Variants in ABCC4 observed in about 807,000 individuals in gnomAD.
ABCC4 encodes ATP-binding cassette sub-family C member 4.
In ABCC4, 102 loss-of-function variants were observed where a neutral mutation model predicts 168.5. The ratio of observed to expected loss-of-function variants is 0.61; its 90% CI spans 0.52 to 0.71. The LOEUF is 0.71. ABCC4 is among the 30% of genes least tolerant of loss of function. The probability of loss-of-function intolerance (pLI) is 0.00; values close to 1 mark genes in which losing one functional copy is unlikely to be tolerated. For synonymous variants in ABCC4, 617 were observed against 590.7 expected (o/e 1.04, Z -0.65); for missense variants, 1,402 against 1,605.8 (o/e 0.87, Z 2.17).
intron 1 of ABCC4, among the ~76,000 whole-genome samples, chr13:95,287,565 T>G (rs4773871): frequency 6.6e-6 from 1 of 151,148 alleles, no homozygotes; most frequent in East Asian, 2.0e-4. Flanking sequence ...CCAGCCTGGG[T>G]GGAAGGGCAT....
Position 95,025,314 on chromosome 13 carries a change from A to G in ABCC4, c.3871-3632T>C, listed in dbSNP as rs1355989327. Among the ~76,000 whole-genome samples, 18 of 13,592 alleles carry G rather than the reference A, an allele frequency of 1.3e-3. No homozygotes were observed. In the East Asian group the frequency reaches 0.033, roughly 25 times the overall value. 8.9% of individuals were successfully genotyped at this position (13,592 alleles called of 152,430 possible). On this transcript the variant is annotated intron_variant, in intron 30 of 30. Coordinates refer to ENST00000645237, the MANE Select transcript of ABCC4 (RefSeq NM_005845.5). Reference sequence around the variant, plus strand: ...ACACACCCACATACGCCCACCCCCCACACACACCCACACCCACACACCCAT... The same window carrying G: ...ACACACCCACATACGCCCACCCCCCGCACACACCCACACCCACACACCCAT...
chr13:95,151,490 A>AAAG (rs1321943578), intron 19 of ABCC4, among the ~76,000 whole-genome samples: 4,016 of 148,778 alleles, frequency 0.027, 112 homozygotes, highest in Non-Finnish European at 0.039. Flanking sequence ...AAAAAAAAAA[A>AAAG]AAGAAGAAGA....
chr13:95,238,172 G>A, intron 3 of ABCC4, among the ~76,000 whole-genome samples: 1 of 117,872 alleles, frequency 8.5e-6, no homozygotes, highest in East Asian at 2.9e-4. Flanking sequence ...CCAGCCTGGA[G>A]AACAGCACAA....
chr13:95,067,624 C>A (rs1416087014), intron 25 of ABCC4, among the ~76,000 whole-genome samples: 1 of 152,012 alleles, frequency 6.6e-6, no homozygotes, highest in African/African-American at 2.4e-5. Flanking sequence ...GATGCTGATC[C>A]CAGCCCCTGA....
intron 19 of ABCC4, among the ~76,000 whole-genome samples, chr13:95,132,810 C>T (rs1201073995): frequency 6.6e-6 from 1 of 152,012 alleles, no homozygotes; most frequent in Non-Finnish European, 1.5e-5. Context: ...TAAAATAAGC[C>T]TCTCAGAAAA....
chr13:95,215,463 A>G (rs1448704617), intron 4 of ABCC4, among the ~76,000 whole-genome samples: 2 of 152,246 alleles, frequency 1.3e-5, no homozygotes, highest in Non-Finnish European at 2.9e-5. Context: ...AGCTGCTTAG[A>G]GCAAAAATGG....
At chr13:95,269,019 G>C (rs2040767073) in intron 1 of ABCC4, among the ~76,000 whole-genome samples, 1 of 152,206 alleles carries the variant, frequency 6.6e-6, no homozygotes, top group Non-Finnish European at 1.5e-5. Flanking sequence ...AGGCTAGGAA[G>C]TGACAGGTCT....
chr13:95,289,490 C>A (rs1228706154), intron 1 of ABCC4, among the ~76,000 whole-genome samples: 1 of 152,194 alleles, frequency 6.6e-6, no homozygotes, highest in Non-Finnish European at 1.5e-5. Context: ...AACACAAGAG[C>A]AGAGCCACCC....
At chr13:95,267,537 T>G (rs1427715036) in intron 1 of ABCC4, among the ~76,000 whole-genome samples, 2 of 152,068 alleles carry the variant, frequency 1.3e-5, no homozygotes, top group East Asian at 3.9e-4. Context: ...TCTGCAAAGC[T>G]CTACAGGCAT....
intron 3 of ABCC4, among the ~76,000 whole-genome samples, chr13:95,235,731 G>A (rs1382833072): frequency 7.6e-4 from 11 of 14,546 alleles, no homozygotes; most frequent in Non-Finnish European, 3.1e-3. Flanking sequence ...AACCAGACTT[G>A]GGAGGATTCC....
Position 95,161,156 on chromosome 13 carries a change from C to T in ABCC4, c.2455+33G>A, listed in dbSNP as rs755719609. ...GATCCTAAATGTGTTGTTAACAAGA[C>T]ATACTTACTGAGAAACTTGGTGTCA... On this transcript the variant is annotated intron_variant, in intron 19 of 30. Transcript: ENST00000645237. The T allele has an allele frequency of 3.9e-6, 6 of 1,548,082 alleles. No individual in the cohort carries two copies. In the Admixed American group the frequency reaches 1.0e-4, roughly 27 times the overall value.
chr13:95,180,119 C>G (rs1470846402), intron 11 of ABCC4, among the ~76,000 whole-genome samples: 1 of 152,184 alleles, frequency 6.6e-6, no homozygotes. Context: ...CTAAGACACA[C>G]AGGAGTCCCC....
chr13:95,218,989 G>GAAAA (rs1275043272), intron 4 of ABCC4, among the ~76,000 whole-genome samples: 1 of 63,742 alleles, frequency 1.6e-5, no homozygotes, highest in African/African-American at 5.4e-5. Context: ...AAGAAAGAGT[G>GAAAA]AGAAAGAAAG....
intron 1 of ABCC4, among the ~76,000 whole-genome samples, chr13:95,278,919 C>G (rs1404458374): frequency 6.9e-6 from 1 of 145,602 alleles, no homozygotes; most frequent in Non-Finnish European, 1.5e-5. Context: ...TTTTTTTTTT[C>G]CTTCCTCAGA....
chr13:95,296,183 C>A (rs1385151641), intron 1 of ABCC4, among the ~76,000 whole-genome samples: 754 of 17,500 alleles, frequency 0.043, 5 homozygotes, highest in African/African-American at 0.096. Flanking sequence ...CACACACACA[C>A]AAAAACACAA....
intron 19 of ABCC4, among the ~76,000 whole-genome samples, chr13:95,123,802 C>T (rs946860514): frequency 6.6e-6 from 1 of 152,156 alleles, no homozygotes; most frequent in Non-Finnish European, 1.5e-5. Context: ...CCAAGGCAGG[C>T]GGCAATGAGG....
At chr13:95,118,309 T>A (rs911212532) in intron 19 of ABCC4, among the ~76,000 whole-genome samples, 1 of 151,830 alleles carries the variant, frequency 6.6e-6, no homozygotes, top group African/African-American at 2.4e-5. Context: ...CTGGAGGAGA[T>A]CTCAGCTCAC....
chr13:95,145,759 T>C (rs1268986286), intron 19 of ABCC4, among the ~76,000 whole-genome samples: 2 of 152,158 alleles, frequency 1.3e-5, no homozygotes, highest in African/African-American at 4.8e-5. Context: ...CATGGAATAC[T>C]ACGCAGCCAT....
intron 20 of ABCC4, among the ~76,000 whole-genome samples, chr13:95,087,384 T>A (rs887527762): frequency 3.3e-5 from 5 of 152,028 alleles, no homozygotes; most frequent in African/African-American, 1.2e-4. Context: ...CTGGGCGTGG[T>A]GGTGCATGCC....
Sources: allele counts gnomAD v4.1 joint callset (sites outside exome capture counted in the v4.1 genomes callset), GRCh38; gene constraint gnomAD v4.1.1; transcripts MANE v1.5; gene names NCBI Gene and HGNC (gene_info 2026-07-23, HGNC 2026-07-21).